Variants in DOCK3 observed in about 807,000 individuals in gnomAD.
DOCK3 encodes the protein dedicator of cytokinesis protein 3.
Under a neutral mutation model 265.6 loss-of-function variants are expected in DOCK3, and 60 were observed. The observed-to-expected ratio is 0.23, with a 90% CI of 0.18 to 0.28. DOCK3 has a LOEUF of 0.28. DOCK3 is among the 10% of genes least tolerant of loss of function. DOCK3 has a pLI of 1.00. For missense variants in DOCK3, 1,981 were observed against 2,594.3 expected (o/e 0.76, Z 5.14); for synonymous variants, 881 against 938.0 (o/e 0.94, Z 1.11).
chr3:50,789,915 G>A (rs2042376536), intron 2 of DOCK3, among the ~76,000 whole-genome samples: 1 of 152,126 alleles, frequency 6.6e-6, no homozygotes, highest in South Asian at 2.1e-4. Flanking sequence ...TGTATTTTTA[G>A]TAGAGATGGG....
At chr3:51,024,821 G>A (rs2079747129) in intron 5 of DOCK3, among the ~76,000 whole-genome samples, 1 of 152,214 alleles carries the variant, frequency 6.6e-6, no homozygotes, top group South Asian at 2.1e-4. Context: ...GATAGGCTTA[G>A]TGTGCTGCCT....
intron 5 of DOCK3, among the ~76,000 whole-genome samples, chr3:51,032,655 C>T (rs1174005246): frequency 6.6e-6 from 1 of 152,004 alleles, no homozygotes; most frequent in East Asian, 1.9e-4. Context: ...CATCTATAAT[C>T]ACAGCTACTC....
At chr3:50,744,038 T>C (rs2039260122) in intron 1 of DOCK3, among the ~76,000 whole-genome samples, 1 of 152,342 alleles carries the variant, frequency 6.6e-6, no homozygotes, top group East Asian at 1.9e-4. Context: ...TCCTAATGAG[T>C]AATGATGTTG....
chr3:51,319,843 G>A (rs556036325), intron 32 of DOCK3, among the ~76,000 whole-genome samples: 16 of 143,018 alleles, frequency 1.1e-4, no homozygotes, highest in Non-Finnish European at 2.3e-4. Context: ...TCACCCTGGC[G>A]ACAGAGCGAG....
At chr3:51,317,536 C>A (rs1188269155) in intron 32 of DOCK3, among the ~76,000 whole-genome samples, 1 of 149,638 alleles carries the variant, frequency 6.7e-6, no homozygotes, top group African/African-American at 2.4e-5. Flanking sequence ...GCCAAGATCG[C>A]ACCACTGCAC....
chr3:50,905,238 A>G (rs1252471307), intron 4 of DOCK3, among the ~76,000 whole-genome samples: 13 of 152,028 alleles, frequency 8.6e-5, no homozygotes, highest in Non-Finnish European at 1.8e-4. Flanking sequence ...TTGTCTTGGC[A>G]ATGTGGGCCC....
At chr3:50,831,131 T>G (rs750212018) in intron 2 of DOCK3, among the ~76,000 whole-genome samples, 3 of 152,072 alleles carry the variant, frequency 2.0e-5, no homozygotes, top group Non-Finnish European at 4.4e-5. Context: ...AGAGGTCATT[T>G]TCATTGCCAT....
intron 5 of DOCK3, among the ~76,000 whole-genome samples, chr3:50,982,277 T>C (rs991752540): frequency 7.9e-5 from 12 of 152,222 alleles, no homozygotes; most frequent in Non-Finnish European, 1.6e-4. Flanking sequence ...AAGTTATTGA[T>C]AGAGAGGTCA....
At chr3:50,813,640 G>C (rs2043893082) in intron 2 of DOCK3, among the ~76,000 whole-genome samples, 1 of 152,010 alleles carries the variant, frequency 6.6e-6, no homozygotes, top group Non-Finnish European at 1.5e-5. Flanking sequence ...CTTATGATGG[G>C]GTTATGTCTT....
At position 50,841,661 on chromosome 3, in the gene DOCK3, A is replaced by G; in HGVS notation, c.122-14A>G. 2.3e-6 allele frequency: 3 copies of G among 1,293,350 alleles called. No individual in the cohort carries two copies. The highest frequency in any genetic ancestry group is 3.1e-6 in the Non-Finnish European group (3 of 976,918). 80.1% of individuals were successfully genotyped at this position (1,293,350 alleles called of 1,614,324 possible). A position where few individuals can be genotyped will look rare whatever the true frequency, so the allele number is the denominator to read the frequency against. Reference sequence around the variant, plus strand: ...GACATTGTGATTTTAATATTCTCTTATGCTTTGTTTTAGGTTGGTACAGAG... The same window carrying G: ...GACATTGTGATTTTAATATTCTCTTGTGCTTTGTTTTAGGTTGGTACAGAG... On this transcript the variant is annotated splice_polypyrimidine_tract_variant and intron_variant, in intron 2 of 52. Coordinates refer to ENST00000266037, the MANE Select transcript of DOCK3 (RefSeq NM_004947.5).
intron 9 of DOCK3, among the ~76,000 whole-genome samples, chr3:51,105,705 C>G (rs2083254477): frequency 6.6e-6 from 1 of 152,168 alleles, no homozygotes; most frequent in African/African-American, 2.4e-5. Flanking sequence ...GCCAGAAGAA[C>G]ATTTCCCACT....
intron 3 of DOCK3, among the ~76,000 whole-genome samples, chr3:50,849,943 C>T (rs1039756418): frequency 4.0e-5 from 6 of 151,648 alleles, no homozygotes; most frequent in Non-Finnish European, 5.9e-5. Flanking sequence ...TAAGCTCTGA[C>T]GTTCTTTCTT....
chr3:50,791,148 T>A (rs1014176071), intron 2 of DOCK3, among the ~76,000 whole-genome samples: 2 of 152,172 alleles, frequency 1.3e-5, no homozygotes, highest in Admixed American at 6.5e-5. Context: ...TTGTTGTGAT[T>A]GCTTTTGGTG....
At position 50,734,560 on chromosome 3, in the gene DOCK3, A is replaced by G. The variant is rs2038442135; in HGVS notation, c.38-44115A>G. ...AACTTCTCTCCCCACATTTTATGTC[A>G]CAAATACTCTGAATTTTATTATATT... On this transcript the variant is annotated intron_variant, in intron 1 of 52. Coordinates refer to ENST00000266037, the MANE Select transcript of DOCK3 (RefSeq NM_004947.5). Among the ~76,000 whole-genome samples the G allele has an allele frequency of 2.6e-5, 4 of 151,684 alleles. No individual in the cohort carries two copies. In the South Asian group the frequency reaches 8.3e-4, roughly 32 times the overall value.
chr3:51,287,967 G>A (rs1199318086), intron 27 of DOCK3, among the ~76,000 whole-genome samples: 1 of 152,204 alleles, frequency 6.6e-6, no homozygotes, highest in African/African-American at 2.4e-5. Context: ...TTAAAAGAAC[G>A]AGATCATGTC....
intron 1 of DOCK3, among the ~76,000 whole-genome samples, chr3:50,694,723 A>C (rs1176514077): frequency 6.6e-6 from 1 of 152,222 alleles, no homozygotes; most frequent in Admixed American, 6.5e-5. Context: ...AGGTATGAGA[A>C]TCACTTGAAC....
chr3:50,686,779 C>T (rs1243950411), intron 1 of DOCK3, among the ~76,000 whole-genome samples: 4 of 146,638 alleles, frequency 2.7e-5, no homozygotes, highest in Non-Finnish European at 6.0e-5. Flanking sequence ...CGTGGTGGCA[C>T]GCACCTATAA....
At chr3:51,229,638 T>C in intron 19 of DOCK3, 29 bp downstream of exon 19, 2 of 1,523,610 alleles carry the variant, frequency 1.3e-6, no homozygotes, top group African/African-American at 2.8e-5. Flanking sequence ...TTAAACATAC[T>C]GCATGAGGAA....
intron 5 of DOCK3, among the ~76,000 whole-genome samples, chr3:50,996,256 C>T (rs1190924348): frequency 2.0e-5 from 3 of 147,644 alleles, no homozygotes; most frequent in Non-Finnish European, 3.0e-5. Flanking sequence ...CTCGCTCTGT[C>T]GCCCAGGCTG....
Sources: allele counts gnomAD v4.1 joint callset (sites outside exome capture counted in the v4.1 genomes callset), GRCh38; gene constraint gnomAD v4.1.1; transcripts MANE v1.5; gene names NCBI Gene and HGNC (gene_info 2026-07-23, HGNC 2026-07-21).